Variants in LMAN2L observed in about 807,000 individuals in gnomAD.
The protein encoded by LMAN2L is VIP36-like protein.
LMAN2L carries 30 observed loss-of-function variants against 44.3 expected under a neutral mutation model. The ratio of observed to expected loss-of-function variants is 0.68; its 90% CI spans 0.51 to 0.92. LMAN2L has a LOEUF of 0.92. LMAN2L is among the 40% of genes least tolerant of loss of function. LMAN2L has a pLI of 0.00. For missense variants in LMAN2L, 429 were observed against 446.1 expected, an observed-to-expected ratio of 0.96 and a Z score of 0.35; for synonymous variants, 183 against 171.1, an observed-to-expected ratio of 1.07 and a Z score of -0.54.
chr2:96,716,625 C>T (rs1160074411), intron 4 of LMAN2L, among the ~76,000 whole-genome samples: 2 of 152,222 alleles, frequency 1.3e-5, no homozygotes, highest in Admixed American at 6.5e-5. Context: ...CTGTGCCAGG[C>T]ACTGAACTCA....
intron 4 of LMAN2L, 84 bp downstream of exon 4, chr2:96,733,435 C>T: frequency 2.0e-6 from 2 of 999,722 alleles, no homozygotes; most frequent in Non-Finnish European, 3.1e-6. Flanking sequence ...TTTCTATCTC[C>T]TTTGTTCCCT....
At chr2:96,723,634 T>C (rs556545452) in intron 4 of LMAN2L, among the ~76,000 whole-genome samples, 1 of 152,320 alleles carries the variant, frequency 6.6e-6, no homozygotes, top group South Asian at 2.1e-4. Flanking sequence ...ATTTTTTTTT[T>C]CTAAAAGTTT....
chr2:96,732,770 G>T (rs899075539), intron 4 of LMAN2L, among the ~76,000 whole-genome samples: 1 of 149,300 alleles, frequency 6.7e-6, no homozygotes, highest in African/African-American at 2.5e-5. Flanking sequence ...TTTCCTTCTC[G>T]TTATAGCCTT....
chr2:96,734,777 G>A (rs1451923124), intron 2 of LMAN2L: 2 of 468,980 alleles, frequency 4.3e-6, no homozygotes, highest in African/African-American at 2.0e-5. Context: ...AACAGAAACA[G>A]GACAGAACTC....
At chr2:96,732,622 C>T (rs1461796280) in intron 4 of LMAN2L, among the ~76,000 whole-genome samples, 2 of 143,006 alleles carry the variant, frequency 1.4e-5, no homozygotes, top group Admixed American at 1.4e-4. Context: ...CCAGCCTGGG[C>T]GACAGAGTGA....
chr2:96,723,257 G>A (rs944825186), intron 4 of LMAN2L, among the ~76,000 whole-genome samples: 10 of 152,164 alleles, frequency 6.6e-5, no homozygotes, highest in Middle Eastern at 3.2e-3. Context: ...GTAAAGTAGT[G>A]TCTTATGGTT....
chr2:96,715,464 C>A (rs2078021814), intron 4 of LMAN2L, among the ~76,000 whole-genome samples: 1 of 152,164 alleles, frequency 6.6e-6, no homozygotes, highest in Admixed American at 6.5e-5. Flanking sequence ...TCTTGGATAA[C>A]CACTAATTTC....
chr2:96,726,194 T>G (rs1216879117), intron 4 of LMAN2L, among the ~76,000 whole-genome samples: 1 of 151,476 alleles, frequency 6.6e-6, no homozygotes, highest in African/African-American at 2.4e-5. Context: ...TTTGCATATT[T>G]TATAATATTT....
chr2:96,735,654 C>T (rs1199001300), intron 2 of LMAN2L, among the ~76,000 whole-genome samples: 2 of 151,956 alleles, frequency 1.3e-5, no homozygotes, highest in South Asian at 2.1e-4. Context: ...CTGGCTAACA[C>T]GGTGAAACCC....
chr2:96,719,674 C>A (rs1458604597), intron 4 of LMAN2L, among the ~76,000 whole-genome samples: 2 of 152,106 alleles, frequency 1.3e-5, no homozygotes, highest in Admixed American at 1.3e-4. Flanking sequence ...CGGCTCACTG[C>A]AACCTCCGCC....
chr2:96,728,750 G>A (rs1195701345), intron 4 of LMAN2L, among the ~76,000 whole-genome samples: 1 of 151,326 alleles, frequency 6.6e-6, no homozygotes, highest in East Asian at 1.9e-4. Context: ...GAGTGTGCCT[G>A]AAATCCCAGC....
intron 4 of LMAN2L, among the ~76,000 whole-genome samples, chr2:96,719,506 C>T (rs755879406): frequency 2.0e-5 from 3 of 151,618 alleles, no homozygotes; most frequent in Non-Finnish European, 2.9e-5. Context: ...CCTAGCACTT[C>T]GGGAGGCCAA....
chr2:96,708,301 G>A (rs1050882312), intron 6 of LMAN2L, among the ~76,000 whole-genome samples: 2 of 152,222 alleles, frequency 1.3e-5, no homozygotes, highest in Non-Finnish European at 2.9e-5. Context: ...TATTCCATAC[G>A]TTACATCAGA....
At chr2:96,727,895 G>C (rs2078303129) in intron 4 of LMAN2L, among the ~76,000 whole-genome samples, 1 of 152,140 alleles carries the variant, frequency 6.6e-6, no homozygotes, top group Non-Finnish European at 1.5e-5. Context: ...TGGAGTCTCT[G>C]GAGTCAGACC....
At chr2:96,728,925 C>A (rs1430279448) in intron 4 of LMAN2L, among the ~76,000 whole-genome samples, 3 of 151,824 alleles carry the variant, frequency 2.0e-5, no homozygotes, top group African/African-American at 7.3e-5. Context: ...GTAATCTCAG[C>A]ATTTTGGGAG....
intron 4 of LMAN2L, among the ~76,000 whole-genome samples, chr2:96,713,846 G>T (rs2077980847): frequency 6.6e-6 from 1 of 152,214 alleles, no homozygotes; most frequent in Admixed American, 6.5e-5. Context: ...AGGCGTGAGG[G>T]TATTAAGCTC....
chr2:96,728,730 A>C (rs920412404), intron 4 of LMAN2L, among the ~76,000 whole-genome samples: 17 of 150,690 alleles, frequency 1.1e-4, no homozygotes, highest in African/African-American at 3.7e-4. Context: ...GTAATCAGCC[A>C]GACTGGGTGG....
intron 4 of LMAN2L, among the ~76,000 whole-genome samples, chr2:96,714,146 T>C (rs1367112341): frequency 6.6e-6 from 1 of 152,078 alleles, no homozygotes; most frequent in South Asian, 2.1e-4. Context: ...GAAAATAAAA[T>C]AGGTAATACA....
chr2:96,730,995 T>C (rs1298975412), intron 4 of LMAN2L, among the ~76,000 whole-genome samples: 1 of 152,064 alleles, frequency 6.6e-6, no homozygotes. Context: ...CTCTTAACCT[T>C]AGGACCTCGG....
Sources: allele counts gnomAD v4.1 joint callset (sites outside exome capture counted in the v4.1 genomes callset), GRCh38; gene constraint gnomAD v4.1.1; transcripts MANE v1.5; gene names NCBI Gene and HGNC (gene_info 2026-07-23, HGNC 2026-07-21).